The following DYRK1A variants were observed in gnomAD, a reference collection of about 807,000 sequenced individuals.
The protein encoded by DYRK1A is dual specificity tyrosine phosphorylation regulated kinase 1A.
In DYRK1A, 9 loss-of-function variants were observed where a neutral mutation model predicts 79.7. The observed-to-expected ratio is 0.11, with a 90% CI of 0.07 to 0.20. The LOEUF is 0.20. Among genes scored for constraint, DYRK1A ranks in the 10% least tolerant of loss-of-function variants. The pLI is 1.00. For missense variants in DYRK1A, 622 were observed against 956.0 expected (o/e 0.65, Z 4.61); for synonymous variants, 349 against 329.7 (o/e 1.06, Z -0.63).
At chr21:37,433,096 C>T (rs1015657580) in intron 2 of DYRK1A, among the ~76,000 whole-genome samples, 1 of 148,604 alleles carries the variant, frequency 6.7e-6, no homozygotes, top group Non-Finnish European at 1.5e-5. Context: ...AGTAAGTTAA[C>T]TATTTTAAAA....
At chr21:37,417,506 C>CTTTTATTTTTCT in intron 1 of DYRK1A, among the ~76,000 whole-genome samples, 1 of 70,494 alleles carries the variant, frequency 1.4e-5, no homozygotes, top group South Asian at 7.0e-4. Flanking sequence ...TTTTATTTTT[C>CTTTTATTTTTCT]TTTTCTTTTT....
At chr21:37,506,779 C>T (rs958170121) in intron 11 of DYRK1A, among the ~76,000 whole-genome samples, 5 of 152,164 alleles carry the variant, frequency 3.3e-5, no homozygotes, top group African/African-American at 1.2e-4. Flanking sequence ...TTTAAATAAT[C>T]TAATAAAGTT....
At chr21:37,507,085 G>A (rs186953265) in intron 11 of DYRK1A, among the ~76,000 whole-genome samples, 3 of 152,192 alleles carry the variant, frequency 2.0e-5, no homozygotes, top group East Asian at 3.9e-4. Flanking sequence ...CCCCTTCTCT[G>A]TTCTTACCCA....
At chr21:37,466,732 A>G (rs2052037643) in intron 2 of DYRK1A, among the ~76,000 whole-genome samples, 1 of 152,200 alleles carries the variant, frequency 6.6e-6, no homozygotes, top group African/African-American at 2.4e-5. Flanking sequence ...ATTATCCAGT[A>G]TAACACTTTA....
At chr21:37,409,904 C>T (rs764281466) in intron 1 of DYRK1A, among the ~76,000 whole-genome samples, 1 of 151,954 alleles carries the variant, frequency 6.6e-6, no homozygotes, top group Non-Finnish European at 1.5e-5. Flanking sequence ...ATCTGTGTTA[C>T]CTTTTGTGTT....
intron 6 of DYRK1A, chr21:37,488,610 T>A: frequency 1.0e-6 from 1 of 985,386 alleles, no homozygotes; most frequent in Non-Finnish European, 1.2e-6. Context: ...ACTGAACAAA[T>A]ATGCTTGTTT....
At chr21:37,509,726 T>A (rs904447948) in intron 11 of DYRK1A, among the ~76,000 whole-genome samples, 2 of 152,336 alleles carry the variant, frequency 1.3e-5, no homozygotes, top group South Asian at 2.1e-4. Context: ...TGGCCACCGG[T>A]CCCCTATTTA....
chr21:37,467,748 T>C (rs1489962942), intron 2 of DYRK1A, among the ~76,000 whole-genome samples: 1 of 152,182 alleles, frequency 6.6e-6, no homozygotes, highest in East Asian at 1.9e-4. Flanking sequence ...ACCATAATAC[T>C]GGAGAAATGT....
intron 2 of DYRK1A, among the ~76,000 whole-genome samples, chr21:37,439,843 T>G (rs1954406379): frequency 6.6e-6 from 1 of 152,168 alleles, no homozygotes; most frequent in Admixed American, 6.5e-5. Flanking sequence ...TTTCTGCATC[T>G]CCCGAGATTA....
intron 2 of DYRK1A, among the ~76,000 whole-genome samples, chr21:37,458,307 T>TGTGTGTGTGTGTAC (rs1555972243): frequency 6.6e-6 from 1 of 151,410 alleles, no homozygotes; most frequent in Non-Finnish European, 1.5e-5. Flanking sequence ...TGTGTGTGTG[T>TGTGTGTGTGTGTAC]ACATATACAT....
chr21:37,418,670 A>G (rs1344626706), intron 1 of DYRK1A, among the ~76,000 whole-genome samples: 1 of 152,228 alleles, frequency 6.6e-6, no homozygotes, highest in African/African-American at 2.4e-5. Flanking sequence ...TTATTAGAAA[A>G]TGATGTCCTT....
chr21:37,425,462 A>G (rs1447857771), intron 2 of DYRK1A, among the ~76,000 whole-genome samples: 1 of 152,222 alleles, frequency 6.6e-6, no homozygotes. Context: ...CATATGAAAA[A>G]GCATTTGATA....
chr21:37,524,883 G>A lies in DYRK1A; in HGVS notation c.*12352G>A, dbSNP rs755074227. On this transcript the variant is annotated 3_prime_UTR_variant, in exon 12 of 12. Transcript: ENST00000647188. ...GGAGGCCAAGGTGGGCAGATCACCT[G>A]AGGTCAGGAGTTTGAGACCTGCCTG... 2.6e-5 allele frequency: 4 copies of A among 152,334 alleles called. No individual in the cohort carries two copies. The highest frequency in any genetic ancestry group is 5.9e-5 in the Non-Finnish European group (4 of 68,122). The allele number at this position is 152,334 out of a possible 1,614,324, so 9.4% of individuals were successfully genotyped here.
In DYRK1A at chr21:37,371,646, A is replaced by G. The variant is rs1040329889; in HGVS notation, c.-77+4018A>G. Among the ~76,000 whole-genome samples, 4 of 152,224 alleles carry G rather than the reference A, an allele frequency of 2.6e-5. No homozygotes were observed. The East Asian group carries it at 7.7e-4, about 29-fold the overall frequency. ...TTACTGTTAAAACTAGGTTTTGACA[A>G]GTTACATAATTTTTTTTTGGTTTGG... On this transcript the variant is annotated intron_variant, in intron 1 of 11. Coordinates refer to ENST00000647188, the MANE Select transcript of DYRK1A (RefSeq NM_001347721.2).
At chr21:37,466,660 AG>A (rs1455772855) in intron 2 of DYRK1A, among the ~76,000 whole-genome samples, 1 of 152,198 alleles carries the variant, frequency 6.6e-6, no homozygotes, top group Non-Finnish European at 1.5e-5. Flanking sequence ...AGAAATAAAG[AG>A]GGCAGTTTAT....
At chr21:37,472,119 A>G (rs79139243) in intron 2 of DYRK1A, among the ~76,000 whole-genome samples, 1 of 152,078 alleles carries the variant, frequency 6.6e-6, no homozygotes, top group Non-Finnish European at 1.5e-5. Context: ...GAGAAATCCA[A>G]CGACCTTGGG....
rs1194863096 is a variant in DYRK1A, at chr21:37,493,868, G to A, written c.1071+705G>A. ...GCCAAAGGCATTAATGACTTGTACCGGATTACACAGCTGTTAATAGGTGGT... is the reference window on the plus strand; with the variant it reads ...GCCAAAGGCATTAATGACTTGTACCAGATTACACAGCTGTTAATAGGTGGT... On this transcript the variant is annotated intron_variant, in intron 8 of 11. Transcript: ENST00000647188. Among the ~76,000 whole-genome samples the A allele has an allele frequency of 2.6e-5, 4 of 151,604 alleles. 1 individual carries two copies. The highest frequency in any genetic ancestry group is 1.3e-4 in the Admixed American group (2 of 15,224).
chr21:37,389,177 C>T (rs1322509471), intron 1 of DYRK1A, among the ~76,000 whole-genome samples: 1 of 151,020 alleles, frequency 6.6e-6, no homozygotes, highest in Admixed American at 6.6e-5. Flanking sequence ...CACTACTTGG[C>T]CTTACTTTTC....
At chr21:37,482,966 C>T (rs566842922) in intron 5 of DYRK1A, among the ~76,000 whole-genome samples, 1 of 152,228 alleles carries the variant, frequency 6.6e-6, no homozygotes, top group African/African-American at 2.4e-5. Context: ...TTATCCTGTT[C>T]TTTTTTCAAG....
Sources: gnomAD v4.1 joint callset for allele counts (sites outside exome capture counted in the v4.1 genomes callset) on GRCh38, gnomAD v4.1.1 for gene constraint, MANE v1.5 for transcripts, NCBI Gene and HGNC (gene_info 2026-07-23, HGNC 2026-07-21) for gene names.